Variants in P4HA1 observed in about 807,000 individuals in gnomAD.
The protein encoded by P4HA1 is prolyl 4-hydroxylase subunit alpha-1.
A neutral mutation model predicts 72.8 loss-of-function variants in P4HA1; 24 were observed. The ratio of observed to expected loss-of-function variants is 0.33; its 90% CI spans 0.24 to 0.46. The LOEUF (loss-of-function observed/expected upper bound fraction) is 0.46, where lower values mean the gene tolerates loss of function less well. P4HA1 is among the 20% of genes least tolerant of loss of function. P4HA1 has a pLI of 1.00. For missense variants in P4HA1, 446 were observed against 640.6 expected, an observed-to-expected ratio of 0.70 and a Z score of 3.28; for synonymous variants, 201 against 218.8, an observed-to-expected ratio of 0.92 and a Z score of 0.72.
chr10:73,059,161 AAACT>A (rs570140973), intron 5 of P4HA1, among the ~76,000 whole-genome samples: 21 of 152,136 alleles, frequency 1.4e-4, no homozygotes, highest in African/African-American at 5.1e-4. Context: ...GGAAATAGTA[AAACT>A]AACAAAATGG....
rs869244017 is a variant in P4HA1, at chr10:73,058,090, GAAAAAAAAAA to G, written c.464-4510_464-4501del. Among the ~76,000 whole-genome samples the G allele has an allele frequency of 2.0e-3, 46 of 23,070 alleles. 1 individual carries two copies. The highest frequency in any genetic ancestry group is 3.5e-3 in the African/African-American group (24 of 6,932). 15.1% of individuals were successfully genotyped at this position (23,070 alleles called of 152,430 possible). ...GGGTGACAGAGCAAGACTCCGTCCA[GAAAAAAAAAA>G]AAAAAAAAAAAAAAAAAAAGGTGAA... On this transcript the variant is annotated intron_variant, in intron 5 of 14. Transcript: ENST00000394890.
intron 10 of P4HA1, among the ~76,000 whole-genome samples, chr10:73,027,415 A>G (rs1840302106): frequency 7.4e-6 from 1 of 134,302 alleles, no homozygotes; most frequent in African/African-American, 2.8e-5. Context: ...ACTTGGACAC[A>G]GGGCAGGGAA....
At chr10:73,044,909 A>T in intron 9 of P4HA1, 72 bp downstream of exon 9, 1 of 1,262,916 alleles carries the variant, frequency 7.9e-7, no homozygotes, top group Non-Finnish European at 1.1e-6. Flanking sequence ...CACTTTCCTT[A>T]AATGAATAAT....
chr10:73,016,960 T>A (rs1840018910), intron 10 of P4HA1, 61 bp from the exon 11 acceptor site: 2 of 1,298,006 alleles, frequency 1.5e-6, no homozygotes, highest in South Asian at 1.3e-5. Context: ...TCAAAAAAAA[T>A]CTATGAACCT....
chr10:73,079,393 GC>G (rs2133147499), intron 1 of P4HA1, among the ~76,000 whole-genome samples: 1 of 152,182 alleles, frequency 6.6e-6, no homozygotes, highest in Admixed American at 6.5e-5. Flanking sequence ...GCTGCAGCGG[GC>G]CATGAATGTG....
At chr10:73,059,611 C>T (rs528544561) in intron 5 of P4HA1, among the ~76,000 whole-genome samples, 19 of 150,862 alleles carry the variant, frequency 1.3e-4, no homozygotes, top group Non-Finnish European at 2.1e-4. Flanking sequence ...GGCATGGTGG[C>T]GGGCGCCTAT....
At chr10:73,071,052 G>A (rs1164856935) in intron 4 of P4HA1, among the ~76,000 whole-genome samples, 1 of 151,892 alleles carries the variant, frequency 6.6e-6, no homozygotes, top group Non-Finnish European at 1.5e-5. Context: ...CTGGCGTGGT[G>A]GTCTATGCTT....
At chr10:73,012,820 G>A (rs1246569185) in intron 12 of P4HA1, among the ~76,000 whole-genome samples, 1 of 152,056 alleles carries the variant, frequency 6.6e-6, no homozygotes, top group Non-Finnish European at 1.5e-5. Context: ...TTGAGATGGA[G>A]CCACGCTCCG....
Position 73,074,790 on chromosome 10 carries a change from A to AC in P4HA1, c.76+17dup. 1.5e-6 allele frequency: 2 copies of AC among 1,362,382 alleles called. No homozygotes were observed. The highest frequency in any genetic ancestry group is 2.1e-6 in the Non-Finnish European group (2 of 963,950). 84.4% of individuals were successfully genotyped at this position (1,362,382 alleles called of 1,614,324 possible). On this transcript the variant is annotated intron_variant, in intron 2 of 14. Coordinates refer to ENST00000394890, the MANE Select transcript of P4HA1 (RefSeq NM_001017962.3). ...AAAAATGCAAAACCAACAAAAAACA[A>AC]CAAGTAGTAAGACTTACCAATTGAA... is the stretch of plus-strand genomic sequence containing the variant.
chr10:73,014,243 A>G lies in P4HA1; in HGVS notation c.1349T>C (p.Ile450Thr). 1 of 1,612,716 alleles carries G rather than the reference A, an allele frequency of 6.2e-7. No individual in the cohort carries two copies. The highest frequency in any genetic ancestry group is 1.1e-5 in the South Asian group (1 of 91,032). The change falls in exon 12 of 15, where the codon ATT (isoleucine) becomes ACT (threonine). Residue 450 changes from isoleucine (I) to threonine (T), a missense_variant. Transcript: ENST00000394890. ...ACTTACATAAAACAGCCATGTAGCA[A>G]TTCTATTTCCTGTCCCCAGCTCTTT... Reference protein sequence around the residue: ...AFKELGTGNRIATWLFYMSDV... With the variant: ...AFKELGTGNRTATWLFYMSDV...
intron 10 of P4HA1, among the ~76,000 whole-genome samples, chr10:73,022,612 C>G (rs1840162847): frequency 6.6e-6 from 1 of 152,168 alleles, no homozygotes; most frequent in South Asian, 2.1e-4. Context: ...CAGCTCCTCA[C>G]AAGCAACAGA....
rs1278579191 is a variant in P4HA1, at chr10:73,053,437, G to C, written c.617C>G (p.Ser206Cys). 1 of 1,614,132 alleles carries C rather than the reference G, an allele frequency of 6.2e-7. No homozygotes were observed. The highest frequency in any genetic ancestry group is 8.5e-7 in the Non-Finnish European group (1 of 1,179,974). ...CGCATAGCTCAAATAATCTAGAACA[G>C]AGACTTTATCTATGGTAGAAATCTC... ...EGEISTIDKV[S>C]VLDYLSYAVY... Residue 206 changes from serine to cysteine, a missense_variant, in exon 6 of 15, where the codon TCT (serine) becomes TGT (cysteine). By Grantham distance (112) the Ser-to-Cys change is moderately radical (BLOSUM62 -1). Transcript: ENST00000394890.
At chr10:73,075,257 G>A (rs1271294228) in intron 1 of P4HA1, among the ~76,000 whole-genome samples, 1 of 152,056 alleles carries the variant, frequency 6.6e-6, no homozygotes, top group Non-Finnish European at 1.5e-5. Context: ...AAAGGTGTGT[G>A]CCACCACACC....
chr10:73,033,415 G>A (rs1840488139), intron 9 of P4HA1, among the ~76,000 whole-genome samples: 1 of 152,034 alleles, frequency 6.6e-6, no homozygotes, highest in Admixed American at 6.6e-5. Flanking sequence ...GCCTTATAGA[G>A]GCAGACTTTC....
At chr10:73,033,912 G>T (rs1675634397) in intron 9 of P4HA1, among the ~76,000 whole-genome samples, 1 of 152,146 alleles carries the variant, frequency 6.6e-6, no homozygotes, top group African/African-American at 2.4e-5. Context: ...ATGCTTCAAA[G>T]AATAACATCA....
intron 3 of P4HA1, 41 bp from the exon 4 acceptor site, chr10:73,072,221 T>C (rs373321149): frequency 1.9e-5 from 29 of 1,515,568 alleles, no homozygotes; most frequent in Admixed American, 3.7e-5. Context: ...TTATATTTCA[T>C]AGGGAAAAAC....
intron 10 of P4HA1, among the ~76,000 whole-genome samples, chr10:73,029,642 G>T (rs183748979): frequency 0.16 from 23,484 of 146,002 alleles, 3,075 homozygotes; most frequent in African/African-American, 0.35. Context: ...CCTATGCTTA[G>T]TTTTTTTTTT....
chr10:73,082,621 A>T (rs959852165), intron 1 of P4HA1: 10 of 152,142 alleles, frequency 6.6e-5, no homozygotes, highest in Non-Finnish European at 1.5e-4. Context: ...TCTAAACTAA[A>T]CTTTCTCTGA....
In P4HA1 at chr10:73,051,104, C is replaced by T. The variant is rs201422276; in HGVS notation, c.849G>A (p.Leu283=). The change falls in exon 7 of 15, where the codon CTG becomes CTA. Residue 283 remains leucine (L), a synonymous_variant. Transcript: ENST00000394890. ...PKKKGVAVDY[L]PERQKYEMLC... Reference sequence around the variant, plus strand: ...GCATTTCGTACTTCTGTCTCTCTGGCAGGTAATCCACAGCAACCCCTTTTT... The same window carrying T: ...GCATTTCGTACTTCTGTCTCTCTGGTAGGTAATCCACAGCAACCCCTTTTT... 1 of 1,614,166 alleles carries T rather than the reference C, an allele frequency of 6.2e-7. No homozygotes were observed. The highest frequency in any genetic ancestry group is 8.5e-7 in the Non-Finnish European group (1 of 1,180,010).
Sources: allele counts gnomAD v4.1 joint callset (sites outside exome capture counted in the v4.1 genomes callset), GRCh38; gene constraint gnomAD v4.1.1; transcripts MANE v1.5; gene names NCBI Gene and HGNC (gene_info 2026-07-23, HGNC 2026-07-21).